The following ARHGEF11 variants were observed in gnomAD, a reference collection of about 807,000 sequenced individuals.
The protein encoded by ARHGEF11 is Rho guanine exchange factor (GEF) 11.
Under a neutral mutation model 193.7 loss-of-function variants are expected in ARHGEF11, and 55 were observed. That is an observed-to-expected ratio of 0.28 (90% CI 0.23 to 0.36). ARHGEF11 has a LOEUF of 0.36. ARHGEF11 is among the 10% of genes least tolerant of loss of function. The pLI is 1.00. For missense variants in ARHGEF11, 1,723 were observed against 2,005.6 expected, an observed-to-expected ratio of 0.86 and a Z score of 2.69; for synonymous variants, 693 against 768.0, an observed-to-expected ratio of 0.90 and a Z score of 1.62.
chr1:157,004,017 C>T (rs1314746102), intron 1 of ARHGEF11, among the ~76,000 whole-genome samples: 1 of 152,148 alleles, frequency 6.6e-6, no homozygotes, highest in Non-Finnish European at 1.5e-5. Context: ...CGTTTCTCTA[C>T]CTATGACTTA....
intron 1 of ARHGEF11, among the ~76,000 whole-genome samples, chr1:157,013,803 C>T (rs186700535): frequency 6.6e-6 from 1 of 152,214 alleles, no homozygotes; most frequent in Non-Finnish European, 1.5e-5. Context: ...GGTGACATCA[C>T]CAGACCCTGG....
intron 7 of ARHGEF11, among the ~76,000 whole-genome samples, chr1:156,975,059 G>A (rs1663067216): frequency 6.6e-6 from 1 of 152,154 alleles, no homozygotes; most frequent in African/African-American, 2.4e-5. Flanking sequence ...ATATAGTATT[G>A]CTGTGTTTCA....
At chr1:156,949,709 C>T (rs1005518897) in intron 22 of ARHGEF11, among the ~76,000 whole-genome samples, 1 of 152,200 alleles carries the variant, frequency 6.6e-6, no homozygotes, top group Non-Finnish European at 1.5e-5. Context: ...ACCACCACAA[C>T]AAACACCCAG....
In ARHGEF11 at chr1:156,941,579, G is replaced by A. The variant is rs569098666; in HGVS notation, c.3453-146C>T. ...CTGCTTGGCAACCCAGAGAGGAGGG[G>A]GGCTGCTAGCTGAGCTTCTCTGGTC... On this transcript the variant is annotated intron_variant, in intron 34 of 40. Transcript: ENST00000368194. The A allele has an allele frequency of 4.2e-6, 4 of 963,518 alleles. No individual in the cohort carries two copies. The African/African-American group carries it at 4.8e-5, about 12-fold the overall frequency. The allele number at this position is 963,518 out of a possible 1,614,324, so 59.7% of individuals were successfully genotyped here.
At chr1:157,026,628 G>C (rs936099910) in intron 1 of ARHGEF11, among the ~76,000 whole-genome samples, 3 of 152,142 alleles carry the variant, frequency 2.0e-5, no homozygotes. Flanking sequence ...TCAAGCAAGG[G>C]GAGGAAGTCC....
In ARHGEF11 at chr1:156,948,083, A is replaced by G. The variant is rs1355279915; in HGVS notation, c.2153+98T>C. The G allele has an allele frequency of 2.6e-6, 4 of 1,536,028 alleles. No homozygotes were observed. The highest frequency in any genetic ancestry group is 3.5e-6 in the Non-Finnish European group (4 of 1,135,738). ...GAAACCAGTGGGCCCAGAAGAGGAG[A>G]CAGCCACCCAACCAGCCCCTTGCAG... is the stretch of plus-strand genomic sequence containing the variant. On this transcript the variant is annotated intron_variant, in intron 24 of 40. Coordinates refer to ENST00000368194, the MANE Select transcript of ARHGEF11 (RefSeq NM_198236.3). The surrounding 1 kb of genome is among the most constrained non-coding windows in gnomAD (Gnocchi z 4.2).
At chr1:156,943,526 T>C (rs893109873) in intron 32 of ARHGEF11, among the ~76,000 whole-genome samples, 1 of 152,244 alleles carries the variant, frequency 6.6e-6, no homozygotes, top group Non-Finnish European at 1.5e-5. Context: ...CCCTGTCCAC[T>C]GGACCCAGCT....
chr1:156,939,369 G>C, intron 37 of ARHGEF11, 179 bp downstream of exon 37: 1 of 804,346 alleles, frequency 1.2e-6, no homozygotes. Context: ...TCTGAATCTC[G>C]AATGTCCAAC....
At chr1:157,015,620 T>G (rs185182321) in intron 1 of ARHGEF11, among the ~76,000 whole-genome samples, 1 of 152,340 alleles carries the variant, frequency 6.6e-6, no homozygotes, top group African/African-American at 2.4e-5. Context: ...GAAGGTCTAC[T>G]GCCATAATTA....
intron 15 of ARHGEF11, among the ~76,000 whole-genome samples, chr1:156,959,714 T>A (rs1660505613): frequency 1.3e-5 from 2 of 152,142 alleles, no homozygotes; most frequent in African/African-American, 4.8e-5. Flanking sequence ...CCGTAAATCA[T>A]CTCTTTCTAA....
chr1:156,954,690 C>G (rs1413142032), intron 21 of ARHGEF11, among the ~76,000 whole-genome samples: 1 of 152,222 alleles, frequency 6.6e-6, no homozygotes, highest in Non-Finnish European at 1.5e-5. Context: ...GGGTGGTGCC[C>G]TCCCCAATCC....
chr1:156,986,120 G>C lies in ARHGEF11; in HGVS notation c.86C>G (p.Ser29Cys), dbSNP rs745957344. 8 of 1,613,904 alleles carry C rather than the reference G, an allele frequency of 5.0e-6. No individual in the cohort carries two copies. The African/African-American group carries it at 6.7e-5, about 13-fold the overall frequency. The change falls in exon 2 of 41, where the codon TCC becomes TGC. Residue 29 changes from serine to cysteine, a missense_variant. Coordinates refer to ENST00000368194, the MANE Select transcript of ARHGEF11 (RefSeq NM_198236.3). Reference protein sequence around the residue: ...GDSAPERKSPSHHRQPSDASE... With the variant: ...GDSAPERKSPCHHRQPSDASE... ...GGCATCCGAAGGCTGGCGATGGTGG[G>C]AAGGGGACTTGCGCTCTGGTGCAGA...
chr1:157,004,012 C>G (rs968635315), intron 1 of ARHGEF11, among the ~76,000 whole-genome samples: 1 of 152,202 alleles, frequency 6.6e-6, no homozygotes, highest in Non-Finnish European at 1.5e-5. Flanking sequence ...TCTAGCGTTT[C>G]TCTACCTATG....
intron 1 of ARHGEF11, among the ~76,000 whole-genome samples, chr1:157,013,522 G>A (rs1342343052): frequency 6.6e-6 from 1 of 151,716 alleles, no homozygotes; most frequent in Non-Finnish European, 1.5e-5. Context: ...CCTTCCTTTT[G>A]GCCCCTACTT....
rs988027448 is a variant in ARHGEF11, at chr1:156,948,805, G to C, written c.1926-307C>G. Reference sequence around the variant, plus strand: ...TGGGGCTAACAGACTCTGAGTTGTAGTGTGTCCAGAGGCCTGAGACACCAT... The same window carrying C: ...TGGGGCTAACAGACTCTGAGTTGTACTGTGTCCAGAGGCCTGAGACACCAT... On this transcript the variant is annotated intron_variant, in intron 22 of 40. Transcript: ENST00000368194. The surrounding 1 kb of genome is among the most constrained non-coding windows in gnomAD (Gnocchi z 4.2). The C allele has an allele frequency of 1.7e-5, 17 of 985,322 alleles. No individual in the cohort carries two copies. The highest frequency in any genetic ancestry group is 1.9e-5 in the Non-Finnish European group (16 of 829,938). 61.0% of individuals were successfully genotyped at this position (985,322 alleles called of 1,614,324 possible). A position where few individuals can be genotyped will look rare whatever the true frequency, so the allele number is the denominator to read the frequency against.
chr1:156,995,285 A>G (rs1666324300), intron 1 of ARHGEF11, among the ~76,000 whole-genome samples: 1 of 152,196 alleles, frequency 6.6e-6, no homozygotes, highest in Non-Finnish European at 1.5e-5. Context: ...AATCCTGCAC[A>G]TGGCTAGCAG....
chr1:156,971,444 T>G (rs909701236), intron 8 of ARHGEF11, among the ~76,000 whole-genome samples: 1 of 152,214 alleles, frequency 6.6e-6, no homozygotes, highest in Non-Finnish European at 1.5e-5. Flanking sequence ...TATTTCATAT[T>G]TCTTTCTTTC....
At chr1:156,947,568 G>A (rs903941192) in intron 25 of ARHGEF11, 118 bp from the exon 26 acceptor site, 2 of 1,375,732 alleles carry the variant, frequency 1.5e-6, no homozygotes, top group Non-Finnish European at 1.9e-6. Context: ...TGAAGTGCCA[G>A]TTTCAGATCA....
chr1:156,946,843 C>CCCCGGCCTAT (rs1553198565), intron 27 of ARHGEF11, 56 bp from the exon 28 acceptor site: 2 of 1,395,680 alleles, frequency 1.4e-6, no homozygotes, highest in East Asian at 5.9e-5. Flanking sequence ...TGGGACCAGA[C>CCCCGGCCTAT]CCCTGCCTTT....
Sources: gnomAD v4.1 joint callset for allele counts (sites outside exome capture counted in the v4.1 genomes callset) on GRCh38, gnomAD v4.1.1 for gene constraint, Gnocchi (gnomAD v3.1) non-coding constraint, MANE v1.5 for transcripts, NCBI Gene and HGNC (gene_info 2026-07-23, HGNC 2026-07-21) for gene names.